Variants in MACROD2 observed in about 807,000 individuals in gnomAD.
MACROD2 encodes the protein ADP-ribose glycohydrolase MACROD2.
In MACROD2, 36 loss-of-function variants were observed where a neutral mutation model predicts 70.4. The observed-to-expected ratio is 0.51, with a 90% CI of 0.39 to 0.68. MACROD2 has a LOEUF of 0.68. Among genes scored for constraint, MACROD2 ranks in the 30% least tolerant of loss-of-function variants. The probability of loss-of-function intolerance (pLI) is 0.00; values close to 1 mark genes in which losing one functional copy is unlikely to be tolerated. For missense variants in MACROD2, 496 were observed against 538.4 expected (o/e 0.92, Z 0.78); for synonymous variants, 172 against 178.8 (o/e 0.96, Z 0.30).
intron 3 of MACROD2, among the ~76,000 whole-genome samples, chr20:14,132,469 A>G (rs2054731035): frequency 1.3e-5 from 2 of 152,220 alleles, no homozygotes; most frequent in Non-Finnish European, 2.9e-5. Flanking sequence ...CTTAAGAGAC[A>G]GAGCACTTTA....
intron 4 of MACROD2, among the ~76,000 whole-genome samples, chr20:14,496,319 C>T (rs553986521): frequency 4.3e-4 from 65 of 152,178 alleles, no homozygotes; most frequent in Middle Eastern, 3.4e-3. Flanking sequence ...GACCTAAGTC[C>T]CCTTCTTTAG....
At chr20:16,012,919 C>T (rs551588535) in intron 15 of MACROD2, among the ~76,000 whole-genome samples, 8 of 152,330 alleles carry the variant, frequency 5.3e-5, no homozygotes, top group South Asian at 4.1e-4. Context: ...CAGTGACTCA[C>T]GCCTGTAATC....
At chr20:14,447,050 G>T (rs892566852) in intron 3 of MACROD2, among the ~76,000 whole-genome samples, 2 of 151,826 alleles carry the variant, frequency 1.3e-5, no homozygotes, top group African/African-American at 4.8e-5. Flanking sequence ...ATGGAGTCTC[G>T]CTCTGTCGCC....
chr20:14,040,997 C>G (rs1015649470), intron 2 of MACROD2, among the ~76,000 whole-genome samples: 2 of 152,134 alleles, frequency 1.3e-5, no homozygotes, highest in Non-Finnish European at 2.9e-5. Flanking sequence ...GCCATTTAGA[C>G]TTGAGTGAAG....
In MACROD2 at chr20:14,493,414, C is replaced by T; in HGVS notation, c.272-65C>T. On this transcript the variant is annotated intron_variant, in intron 3 of 17. Coordinates refer to ENST00000684519, the MANE Select transcript of MACROD2 (RefSeq NM_001351661.2). The stretch of plus-strand genomic sequence containing the variant: ...TCATTATTAGCTTTATCTTGAATTA[C>T]TCTGATATACTATATTTCTTATACA... 4 of 1,339,702 alleles carry T rather than the reference C, an allele frequency of 3.0e-6. No homozygotes were observed. The South Asian group carries it at 4.9e-5, about 16-fold the overall frequency. The allele number at this position is 1,339,702 out of a possible 1,614,324, so 83.0% of individuals were successfully genotyped here.
At chr20:15,722,812 C>A (rs1040071704) in intron 8 of MACROD2, among the ~76,000 whole-genome samples, 1 of 152,144 alleles carries the variant, frequency 6.6e-6, no homozygotes, top group Non-Finnish European at 1.5e-5. Flanking sequence ...ACTCTGAAGT[C>A]ATGAGGCTAT....
At chr20:15,230,367 A>C (rs1011804178) in intron 6 of MACROD2, among the ~76,000 whole-genome samples, 1 of 152,196 alleles carries the variant, frequency 6.6e-6, no homozygotes, top group Non-Finnish European at 1.5e-5. Context: ...GGTAGTGGCC[A>C]GCAGATTTAA....
chr20:14,856,958 T>C (rs1406135454), intron 5 of MACROD2, among the ~76,000 whole-genome samples: 1 of 151,940 alleles, frequency 6.6e-6, no homozygotes, highest in Non-Finnish European at 1.5e-5. Context: ...TCAGCCTGAG[T>C]GCCACTGCTT....
chr20:14,832,892 G>T (rs557940436), intron 5 of MACROD2, among the ~76,000 whole-genome samples: 1 of 152,138 alleles, frequency 6.6e-6, no homozygotes, highest in East Asian at 1.9e-4. Flanking sequence ...TTACCACTGT[G>T]GGCAACTGAG....
At chr20:14,146,242 C>G (rs2054941206) in intron 3 of MACROD2, among the ~76,000 whole-genome samples, 1 of 152,092 alleles carries the variant, frequency 6.6e-6, no homozygotes, top group Admixed American at 6.6e-5. Context: ...TGGCGTGAAC[C>G]TGGGAGGCGG....
chr20:15,877,536 C>A (rs36058383), intron 9 of MACROD2, among the ~76,000 whole-genome samples: 9,523 of 152,122 alleles, frequency 0.063, 445 homozygotes, highest in East Asian at 0.15. Flanking sequence ...TTGTTAGATG[C>A]AGTGAGTCCA....
intron 3 of MACROD2, among the ~76,000 whole-genome samples, chr20:14,426,084 T>C (rs2122911878): frequency 6.6e-6 from 1 of 152,318 alleles, no homozygotes. Context: ...TCCGTTGTAA[T>C]AAGCTTTCTG....
chr20:15,928,865 A>AGAGAAT (rs1419056386), intron 10 of MACROD2, among the ~76,000 whole-genome samples: 1 of 152,212 alleles, frequency 6.6e-6, no homozygotes, highest in East Asian at 1.9e-4. Context: ...TGTACCTTCT[A>AGAGAAT]GAGAATTTTG....
chr20:16,021,610 C>G (rs2067002225), intron 15 of MACROD2, among the ~76,000 whole-genome samples: 1 of 152,138 alleles, frequency 6.6e-6, no homozygotes, highest in South Asian at 2.1e-4. Flanking sequence ...GAAATAATAG[C>G]TGTTCATAAT....
intron 4 of MACROD2, among the ~76,000 whole-genome samples, chr20:14,501,470 AT>A (rs567759521): frequency 8.5e-4 from 121 of 143,042 alleles, no homozygotes; most frequent in Admixed American, 9.7e-4. Flanking sequence ...ATACGTTTCT[AT>A]TTTTTTTTTT....
At position 14,268,467 on chromosome 20, in the gene MACROD2, A is replaced by T. The variant is rs544333627; in HGVS notation, c.271+182739A>T. On this transcript the variant is annotated intron_variant, in intron 3 of 17. Coordinates refer to ENST00000684519, the MANE Select transcript of MACROD2 (RefSeq NM_001351661.2). ...GTGTCATATTATGGATTTGATTCTTAATCCCCTATATTTCTTGTAAACAAG... is the reference window on the plus strand; with the variant it reads ...GTGTCATATTATGGATTTGATTCTTTATCCCCTATATTTCTTGTAAACAAG... Among the ~76,000 whole-genome samples, 30 of 152,248 alleles carry T rather than the reference A, an allele frequency of 2.0e-4. No individual in the cohort carries two copies. The South Asian group carries it at 5.8e-3, about 29-fold the overall frequency.
At chr20:16,026,334 G>T (rs1180456114) in intron 15 of MACROD2, among the ~76,000 whole-genome samples, 2 of 152,156 alleles carry the variant, frequency 1.3e-5, no homozygotes, top group South Asian at 2.1e-4. Flanking sequence ...GCCACAGATG[G>T]TGCAGATCAT....
intron 5 of MACROD2, among the ~76,000 whole-genome samples, chr20:15,161,676 A>G (rs182099448): frequency 6.6e-6 from 1 of 152,148 alleles, no homozygotes; most frequent in East Asian, 1.9e-4. Flanking sequence ...TCACTAATTT[A>G]CATTTTATTT....
chr20:16,012,228 A>G (rs985353829), intron 15 of MACROD2, among the ~76,000 whole-genome samples: 1 of 152,134 alleles, frequency 6.6e-6, no homozygotes, highest in African/African-American at 2.4e-5. Flanking sequence ...ACCTTGCCCC[A>G]CTTATCTACA....
Sources: allele counts gnomAD v4.1 joint callset (sites outside exome capture counted in the v4.1 genomes callset), GRCh38; gene constraint gnomAD v4.1.1; transcripts MANE v1.5; gene names NCBI Gene and HGNC (gene_info 2026-07-23, HGNC 2026-07-21).